Variants in CNTNAP2 observed in about 807,000 individuals in gnomAD.
CNTNAP2 encodes the protein contactin-associated protein-like 2.
Under a neutral mutation model 155.2 loss-of-function variants are expected in CNTNAP2, and 98 were observed. The observed-to-expected ratio is 0.63, with a 90% confidence interval of 0.54 to 0.75. The LOEUF is 0.75. Among genes scored for constraint, CNTNAP2 ranks in the 30% least tolerant of loss-of-function variants. CNTNAP2 has a pLI of 0.00. For synonymous variants in CNTNAP2, 651 were observed against 631.2 expected, an observed-to-expected ratio of 1.03 and a Z score of -0.47; for missense variants, 1,727 against 1,688.1, an observed-to-expected ratio of 1.02 and a Z score of -0.40.
At chr7:146,364,876 G>C (rs1795133598) in intron 1 of CNTNAP2, among the ~76,000 whole-genome samples, 1 of 152,146 alleles carries the variant, frequency 6.6e-6, no homozygotes, top group Non-Finnish European at 1.5e-5. Context: ...ATTAAAAATA[G>C]CAGTGGCAAT....
chr7:146,992,343 T>C (rs1798223606), intron 3 of CNTNAP2, among the ~76,000 whole-genome samples: 1 of 151,528 alleles, frequency 6.6e-6, no homozygotes, highest in Non-Finnish European at 1.5e-5. Flanking sequence ...TAAAATTTAA[T>C]ACATATTGTT....
At chr7:147,607,758 G>A (rs1214910980) in intron 12 of CNTNAP2, among the ~76,000 whole-genome samples, 1 of 152,156 alleles carries the variant, frequency 6.6e-6, no homozygotes, top group Admixed American at 6.5e-5. Flanking sequence ...GTGTCAGAAA[G>A]AGCATAATCT....
chr7:146,497,394 A>G (rs1797234632), intron 1 of CNTNAP2, among the ~76,000 whole-genome samples: 3 of 152,288 alleles, frequency 2.0e-5, no homozygotes, highest in South Asian at 2.1e-4. Context: ...TTAGAAATGT[A>G]TACTTTACCG....
intron 2 of CNTNAP2, among the ~76,000 whole-genome samples, chr7:146,823,333 A>G (rs1269088034): frequency 6.7e-6 from 1 of 148,182 alleles, no homozygotes; most frequent in Non-Finnish European, 1.5e-5. Flanking sequence ...ATTCTTCAGT[A>G]TATTTCCATG....
intron 3 of CNTNAP2, among the ~76,000 whole-genome samples, chr7:146,877,081 CATT>C (rs1795444122): frequency 6.6e-6 from 1 of 152,092 alleles, no homozygotes; most frequent in South Asian, 2.1e-4. Context: ...GTGTCTTTCT[CATT>C]ATGTGCTTTG....
In CNTNAP2 at chr7:146,697,505, C is replaced by T. The variant is rs559849908; in HGVS notation, c.98-76766C>T. ...CTTCCCTTCTCAGCCTCCCAAAGTG[C>T]GGGGATCATAGGCGTGAGCCACCAC... On this transcript the variant is annotated intron_variant, in intron 1 of 23. Transcript: ENST00000361727. Among the ~76,000 whole-genome samples the T allele has an allele frequency of 1.2e-4, 18 of 152,244 alleles. No homozygotes were observed. The East Asian group carries it at 1.9e-3, about 16-fold the overall frequency.
intron 21 of CNTNAP2, among the ~76,000 whole-genome samples, chr7:148,363,426 G>A (rs943877670): frequency 6.6e-6 from 1 of 151,110 alleles, no homozygotes; most frequent in Non-Finnish European, 1.5e-5. Flanking sequence ...CAATATACAA[G>A]ACAGTAATAT....
At chr7:146,403,438 T>C (rs755380700) in intron 1 of CNTNAP2, among the ~76,000 whole-genome samples, 9 of 152,174 alleles carry the variant, frequency 5.9e-5, no homozygotes, top group Non-Finnish European at 1.0e-4. Flanking sequence ...TCTTTTCTGC[T>C]GCGATTTTGT....
rs1030210579 is a variant in CNTNAP2 at position 146,545,504 on chromosome 7, C to G, written c.98-228767C>G. Among the ~76,000 whole-genome samples, 8 of 151,844 alleles carry G rather than the reference C, an allele frequency of 5.3e-5. No individual in the cohort carries two copies. In the South Asian group the frequency reaches 6.2e-4, roughly 12 times the overall value. On this transcript the variant is annotated intron_variant, in intron 1 of 23. Transcript: ENST00000361727. Reference sequence around the variant, plus strand: ...TATACCTCCCCTAGACCCTCACCCCCCAACATGCCCTACTGTGTGATGTTC... The same window carrying G: ...TATACCTCCCCTAGACCCTCACCCCGCAACATGCCCTACTGTGTGATGTTC...
Position 148,247,618 on chromosome 7 carries a change from TCTCTCTC to T in CNTNAP2, c.3381+17840_3381+17846del, listed in dbSNP as rs1563010451. Among the ~76,000 whole-genome samples the T allele has an allele frequency of 5.5e-5, 8 of 146,644 alleles. No homozygotes were observed. In the East Asian group the frequency reaches 1.4e-3, roughly 25 times the overall value. On this transcript the variant is annotated intron_variant, in intron 20 of 23. Coordinates refer to ENST00000361727, the MANE Select transcript of CNTNAP2 (RefSeq NM_014141.6). ...CATTCTCTCTCTCTCTCTCTCTCTC[TCTCTCTC>T]TATTTATTTATTTATTTATTTATTT...
chr7:147,044,083 C>CTTTATTTTT, intron 4 of CNTNAP2, 29 bp downstream of exon 4: 1 of 1,613,132 alleles, frequency 6.2e-7, no homozygotes, highest in African/African-American at 1.3e-5. Flanking sequence ...AAATTTGTGG[C>CTTTATTTTT]AGGTTTTATC....
chr7:148,168,531 G>A (rs553745278), intron 17 of CNTNAP2, among the ~76,000 whole-genome samples: 141 of 136,700 alleles, frequency 1.0e-3, no homozygotes, highest in Non-Finnish European at 1.8e-3. Context: ...ATGGACACAG[G>A]AAGGGGAACA....
chr7:147,710,417 T>G (rs1796386182), intron 13 of CNTNAP2, among the ~76,000 whole-genome samples: 1 of 152,190 alleles, frequency 6.6e-6, no homozygotes, highest in Non-Finnish European at 1.5e-5. Context: ...TAATGCTTCA[T>G]GCTTCATATA....
chr7:146,960,844 G>A (rs1391354057), intron 3 of CNTNAP2, among the ~76,000 whole-genome samples: 3 of 152,012 alleles, frequency 2.0e-5, no homozygotes, highest in South Asian at 2.1e-4. Flanking sequence ...TACTGCCCAT[G>A]TAGGTCTCCT....
chr7:148,146,648 C>T (rs945382537), intron 16 of CNTNAP2, among the ~76,000 whole-genome samples: 8 of 152,122 alleles, frequency 5.3e-5, no homozygotes, highest in African/African-American at 1.9e-4. Context: ...TTGCAACAGA[C>T]GATGTACGAC....
intron 14 of CNTNAP2, among the ~76,000 whole-genome samples, chr7:147,957,978 G>C (rs913634867): frequency 6.6e-6 from 1 of 152,168 alleles, no homozygotes; most frequent in African/African-American, 2.4e-5. Flanking sequence ...GGAAGGCTGA[G>C]ATGGAAGGAT....
At chr7:148,192,557 C>T (rs1795216780) in intron 18 of CNTNAP2, among the ~76,000 whole-genome samples, 1 of 150,290 alleles carries the variant, frequency 6.7e-6, no homozygotes, top group Non-Finnish European at 1.5e-5. Flanking sequence ...AACAAAAAAA[C>T]TCTCCATGCA....
chr7:146,795,523 T>G (rs1284441256), intron 2 of CNTNAP2, among the ~76,000 whole-genome samples: 1 of 152,224 alleles, frequency 6.6e-6, no homozygotes, highest in Non-Finnish European at 1.5e-5. Flanking sequence ...TGTCATGGAA[T>G]GTAACCTTGG....
chr7:147,539,339 C>T (rs140979310), intron 11 of CNTNAP2, among the ~76,000 whole-genome samples: 1,547 of 152,138 alleles, frequency 0.01, 14 homozygotes, highest in Non-Finnish European at 0.014. Context: ...AGTGCTATTC[C>T]CCTTCTACAG....
Sources: allele counts gnomAD v4.1 joint callset (sites outside exome capture counted in the v4.1 genomes callset), GRCh38; gene constraint gnomAD v4.1.1; transcripts MANE v1.5; gene names NCBI Gene and HGNC (gene_info 2026-07-23, HGNC 2026-07-21).